UNC80: variants seen among roughly 807,000 people sequenced by gnomAD.
UNC80 encodes unc-80 subunit of NALCN channel complex.
A neutral mutation model predicts 384.6 loss-of-function variants in UNC80; 164 were observed. The observed-to-expected ratio is 0.43, with a 90% CI of 0.38 to 0.49. UNC80 has a LOEUF of 0.49. Among genes scored for constraint, UNC80 ranks in the 20% least tolerant of loss-of-function variants. The pLI, the probability that UNC80 is intolerant of heterozygous loss-of-function variation, is 0.00. For missense variants in UNC80, 3,330 were observed against 4,143.0 expected (o/e 0.80, Z 5.39); for synonymous variants, 1,486 against 1,527.8 (o/e 0.97, Z 0.64).
intron 24 of UNC80, among the ~76,000 whole-genome samples, chr2:209,879,430 T>A (rs1451228576): frequency 6.6e-6 from 1 of 152,154 alleles, no homozygotes; most frequent in African/African-American, 2.4e-5. Flanking sequence ...GAATATTAGT[T>A]TTTTGTTGAG....
At chr2:209,832,765 A>C (rs1313232365) in intron 16 of UNC80, among the ~76,000 whole-genome samples, 2 of 152,208 alleles carry the variant, frequency 1.3e-5, no homozygotes, top group African/African-American at 4.8e-5. Flanking sequence ...TTACAAACTC[A>C]TGTATAGAAA....
intron 22 of UNC80, among the ~76,000 whole-genome samples, chr2:209,866,402 T>C (rs1574808642): frequency 6.6e-6 from 1 of 151,936 alleles, no homozygotes; most frequent in Non-Finnish European, 1.5e-5. Context: ...CATTTGACAA[T>C]GTCTGGAGGA....
intron 61 of UNC80, among the ~76,000 whole-genome samples, chr2:209,991,744 T>A (rs1393466760): frequency 6.6e-6 from 1 of 152,248 alleles, no homozygotes; most frequent in African/African-American, 2.4e-5. Flanking sequence ...TTGTCCATCT[T>A]ATTTTCATTT....
intron 42 of UNC80, among the ~76,000 whole-genome samples, chr2:209,939,162 A>G (rs891313639): frequency 6.6e-6 from 1 of 152,158 alleles, no homozygotes; most frequent in African/African-American, 2.4e-5. Flanking sequence ...ATAGCATCCA[A>G]ACAAATGGGC....
chr2:209,811,146 C>T (rs1199405618), intron 7 of UNC80, among the ~76,000 whole-genome samples: 5 of 152,124 alleles, frequency 3.3e-5, no homozygotes, highest in Non-Finnish European at 5.9e-5. Context: ...ACAAGTGGCA[C>T]TCAGGGTCTC....
At chr2:209,823,095 G>A (rs2080256263) in intron 13 of UNC80, among the ~76,000 whole-genome samples, 1 of 152,200 alleles carries the variant, frequency 6.6e-6, no homozygotes, top group South Asian at 2.1e-4. Context: ...AATAACAGAA[G>A]CATAGGAATT....
At chr2:209,919,269 T>C (rs993614642) in intron 33 of UNC80, among the ~76,000 whole-genome samples, 2 of 152,192 alleles carry the variant, frequency 1.3e-5, no homozygotes, top group African/African-American at 4.8e-5. Context: ...TGTTTAATAG[T>C]ATTTTTCTAA....
intron 44 of UNC80, 88 bp downstream of exon 44, chr2:209,941,577 TA>T: frequency 7.6e-7 from 1 of 1,308,122 alleles, no homozygotes; most frequent in African/African-American, 1.5e-5. Context: ...TGAAACTTTT[TA>T]ATGATGGTGT....
At chr2:209,783,214 G>C (rs2153825026) in intron 4 of UNC80, among the ~76,000 whole-genome samples, 1 of 152,158 alleles carries the variant, frequency 6.6e-6, no homozygotes, top group Middle Eastern at 3.4e-3. Context: ...TTACACTTCT[G>C]GTTTTCTCAG....
At chr2:209,796,130 C>G (rs1031590202) in intron 7 of UNC80, 1 of 152,262 alleles carries the variant, frequency 6.6e-6, no homozygotes, top group African/African-American at 2.4e-5. Flanking sequence ...TGGGAACCCA[C>G]CTCTTGCATC....
At chr2:209,971,871 T>C (rs551553147) in intron 54 of UNC80, among the ~76,000 whole-genome samples, 3 of 152,352 alleles carry the variant, frequency 2.0e-5, no homozygotes, top group African/African-American at 7.2e-5. Flanking sequence ...TTCTTCCTTC[T>C]CCTTTGTTGT....
At chr2:209,783,359 G>A (rs1460362995) in intron 4 of UNC80, among the ~76,000 whole-genome samples, 3 of 152,030 alleles carry the variant, frequency 2.0e-5, no homozygotes, top group African/African-American at 7.2e-5. Context: ...AGACATTAGA[G>A]GCCCAGAGTT....
intron 24 of UNC80, among the ~76,000 whole-genome samples, chr2:209,879,299 C>T (rs537584399): frequency 6.6e-6 from 1 of 152,252 alleles, no homozygotes; most frequent in Non-Finnish European, 1.5e-5. Flanking sequence ...CTGGAACTTC[C>T]AGGGGCCCTT....
At chr2:209,975,040 C>T (rs904263883) in intron 56 of UNC80, among the ~76,000 whole-genome samples, 10 of 152,134 alleles carry the variant, frequency 6.6e-5, no homozygotes, top group African/African-American at 2.4e-4. Context: ...ATCTCTCTCT[C>T]TGTGTTACAT....
chr2:209,945,270 G>A (rs1177273990), intron 46 of UNC80, 81 bp downstream of exon 46: 32 of 1,330,736 alleles, frequency 2.4e-5, no homozygotes, highest in East Asian at 1.0e-4. Context: ...ACACATACAC[G>A]TATATTTATA....
chr2:209,842,491 C>A, intron 21 of UNC80, 45 bp downstream of exon 21: 2 of 1,387,016 alleles, frequency 1.4e-6, no homozygotes, highest in Non-Finnish European at 2.0e-6. Flanking sequence ...TTTTATCACA[C>A]AGAACAAAAA....
At chr2:209,863,619 G>T (rs2083494165) in intron 22 of UNC80, among the ~76,000 whole-genome samples, 1 of 151,458 alleles carries the variant, frequency 6.6e-6, no homozygotes, top group Non-Finnish European at 1.5e-5. Context: ...CTTCTGCTTG[G>T]TCGATTCAGC....
chr2:209,888,160 C>A lies in UNC80; in HGVS notation c.4176C>A (p.Ile1392=). The A allele has an allele frequency of 6.4e-7, 1 of 1,551,666 alleles. No individual in the cohort carries two copies. The highest frequency in any genetic ancestry group is 8.7e-7 in the Non-Finnish European group (1 of 1,146,978). ...ACCGGCACAGATATGAGAGGAAGAT[C>A]AGCTTTGCTGGGGTCCTGGACGAAA... ...ELDRHRYERK[I]SFAGVLDENE... Residue 1392 remains isoleucine, a synonymous_variant, in exon 26 of 65, where the codon ATC becomes ATA. Coordinates refer to ENST00000673920, the MANE Select transcript of UNC80 (RefSeq NM_001371986.1).
chr2:209,949,527 G>A (rs1404310566), intron 47 of UNC80, among the ~76,000 whole-genome samples: 4 of 152,008 alleles, frequency 2.6e-5, no homozygotes, highest in African/African-American at 7.2e-5. Flanking sequence ...GCCCAGGCTG[G>A]AGTGCAATGG....
Sources: gnomAD v4.1 joint callset for allele counts (sites outside exome capture counted in the v4.1 genomes callset) on GRCh38, gnomAD v4.1.1 for gene constraint, MANE v1.5 for transcripts, NCBI Gene and HGNC (gene_info 2026-07-23, HGNC 2026-07-21) for gene names.